The following STOX2 variants were observed in gnomAD, a reference collection of about 807,000 sequenced individuals.
STOX2 encodes the protein storkhead box 2, also known as storkhead-box protein 2.
Under a neutral mutation model 60.9 loss-of-function variants are expected in STOX2, and 28 were observed. The ratio of observed to expected loss-of-function variants is 0.46; its 90% CI spans 0.34 to 0.63. The LOEUF (loss-of-function observed/expected upper bound fraction) is 0.63. Among genes scored for constraint, STOX2 ranks in the 30% least tolerant of loss-of-function variants. The probability of loss-of-function intolerance (pLI) is 0.01; values close to 1 mark genes in which losing one functional copy is unlikely to be tolerated. For synonymous variants in STOX2, 472 were observed against 463.9 expected (o/e 1.02, Z -0.22); for missense variants, 1,024 against 1,187.7 (o/e 0.86, Z 2.03).
chr4:183,920,724 C>A (rs1742076877), intron 1 of STOX2, among the ~76,000 whole-genome samples: 1 of 152,150 alleles, frequency 6.6e-6, no homozygotes, highest in African/African-American at 2.4e-5. Flanking sequence ...TCCTCTTCCT[C>A]TTTTTAGCAC....
At position 184,009,369 on chromosome 4, in the gene STOX2, C is replaced by A; in HGVS notation, c.531C>A (p.Thr177=). 6.2e-7 allele frequency: 1 copy of A among 1,614,010 alleles called. No homozygotes were observed. The highest frequency in any genetic ancestry group is 1.1e-5 in the South Asian group (1 of 91,078). Residue 177 remains threonine (T), a synonymous_variant, in exon 3 of 4, where the codon ACC becomes ACA. Coordinates refer to ENST00000308497, the MANE Select transcript of STOX2 (RefSeq NM_020225.3). The surrounding 1 kb of genome is among the most constrained non-coding windows in gnomAD (Gnocchi z 4.0). ...AGTGCACCTCTCCGCAACCCGGGACCATCACGCCCTCTGCCTCAGGCTGTG... is the reference window on the plus strand; with the variant it reads ...AGTGCACCTCTCCGCAACCCGGGACAATCACGCCCTCTGCCTCAGGCTGTG... The part of the protein sequence containing the change: ...RSQCTSPQPG[T]ITPSASGCVR...
chr4:183,919,758 A>G (rs555289024), intron 1 of STOX2, among the ~76,000 whole-genome samples: 1 of 151,992 alleles, frequency 6.6e-6, no homozygotes, highest in African/African-American at 2.4e-5. Flanking sequence ...GTTGTGTACC[A>G]CCATACCTGG....
At chr4:183,928,214 CCCTCGGGGGGGGG>C (rs1310380169) in intron 1 of STOX2, among the ~76,000 whole-genome samples, 4 of 39,334 alleles carry the variant, frequency 1.0e-4, no homozygotes, top group Admixed American at 9.0e-4. Flanking sequence ...GGATGGGGAG[CCCTCGGGGGGGGG>C]CATTTTGTAT....
chr4:183,991,508 A>G (rs374062585), intron 1 of STOX2, among the ~76,000 whole-genome samples: 22 of 151,590 alleles, frequency 1.5e-4, no homozygotes, highest in African/African-American at 4.4e-4. Context: ...GCTCACTGCA[A>G]CCTCCGCCTC....
intron 1 of STOX2, among the ~76,000 whole-genome samples, chr4:183,818,938 T>G (rs993165438): frequency 6.6e-6 from 1 of 150,786 alleles, no homozygotes; most frequent in Non-Finnish European, 1.5e-5. Flanking sequence ...GGTCCTCACT[T>G]CCCAGACTGG....
At chr4:183,930,501 C>CT (rs57299957) in intron 1 of STOX2, among the ~76,000 whole-genome samples, 34 of 146,240 alleles carry the variant, frequency 2.3e-4, no homozygotes, top group Non-Finnish European at 3.0e-4. Context: ...CACCATGCCC[C>CT]TTTTTTTTTT....
intron 1 of STOX2, among the ~76,000 whole-genome samples, chr4:183,842,556 A>G (rs1739886454): frequency 6.6e-6 from 1 of 152,226 alleles, no homozygotes. Flanking sequence ...GTAATTTTAT[A>G]TATTTAATAA....
intron 1 of STOX2, among the ~76,000 whole-genome samples, chr4:183,882,255 T>C (rs181326268): frequency 3.9e-5 from 6 of 152,344 alleles, no homozygotes; most frequent in Admixed American, 2.6e-4. Flanking sequence ...AGTTAGACCC[T>C]TCCCTGTTTT....
chr4:183,835,965 T>C lies in STOX2; in HGVS notation c.364+37910T>C, dbSNP rs1453759765. 2.0e-5 allele frequency among the ~76,000 whole-genome samples: 3 copies of C among 152,206 alleles called. No homozygotes were observed. In the East Asian group the frequency reaches 5.8e-4, roughly 29 times the overall value. ...AGGCTGTTCTCACATGGCTGTACCATTTTACAATCTCACCAGCATTGTGTA... is the reference window on the plus strand; with the variant it reads ...AGGCTGTTCTCACATGGCTGTACCACTTTACAATCTCACCAGCATTGTGTA... On this transcript the variant is annotated intron_variant, in intron 1 of 2. Transcript: ENST00000513034.
chr4:183,917,923 A>T (rs987788818), intron 1 of STOX2, among the ~76,000 whole-genome samples: 1 of 152,264 alleles, frequency 6.6e-6, no homozygotes, highest in Non-Finnish European at 1.5e-5. Context: ...ATGAGGATAA[A>T]ATAGTATCTA....
At chr4:183,917,206 C>T (rs1250319268) in intron 1 of STOX2, among the ~76,000 whole-genome samples, 4 of 152,218 alleles carry the variant, frequency 2.6e-5, no homozygotes, top group Non-Finnish European at 5.9e-5. Flanking sequence ...CTTTCTCTAA[C>T]CATATGCGTG....
rs1560944865 is a variant in STOX2 at position 184,011,555 on chromosome 4, T to C, written c.2585+132T>C. 9 of 1,557,014 alleles carry C rather than the reference T, an allele frequency of 5.8e-6. No homozygotes were observed. The highest frequency in any genetic ancestry group is 1.4e-5 in the African/African-American group (1 of 73,406). ...GGGTTAAGAGTTGTATGAGTTGTAT[T>C]GTTAACAATCTGTTTCTGACTTCTT... On this transcript the variant is annotated intron_variant, in intron 3 of 3. Coordinates refer to ENST00000308497, the MANE Select transcript of STOX2 (RefSeq NM_020225.3). This position sits in a 1 kb window ranked among gnomAD's most constrained non-coding sequence, Gnocchi z 4.4.
At chr4:183,862,869 C>T (rs373026097) in intron 1 of STOX2, among the ~76,000 whole-genome samples, 7 of 152,204 alleles carry the variant, frequency 4.6e-5, no homozygotes, top group African/African-American at 1.2e-4. Flanking sequence ...CTCCCTGGAC[C>T]GTCACTACCA....
chr4:183,902,608 A>C (rs554535465), upstream of STOX2, among the ~76,000 whole-genome samples: 1 of 152,330 alleles, frequency 6.6e-6, no homozygotes, highest in South Asian at 2.1e-4. Flanking sequence ...GTATATGACC[A>C]GAGTGACTCT....
At chr4:183,962,113 A>G (rs1014151643) in intron 1 of STOX2, among the ~76,000 whole-genome samples, 1 of 152,244 alleles carries the variant, frequency 6.6e-6, no homozygotes, top group Non-Finnish European at 1.5e-5. Flanking sequence ...AATTTCAAAC[A>G]TGCTTTTCTA....
chr4:183,957,965 G>T (rs113504984), intron 1 of STOX2, among the ~76,000 whole-genome samples: 1 of 124,214 alleles, frequency 8.1e-6, no homozygotes, highest in East Asian at 2.4e-4. Flanking sequence ...TATCGTGAAT[G>T]AGGCACCCTG....
In STOX2 at chr4:184,011,708, G is replaced by C. The variant is rs1734181673; in HGVS notation, c.2585+285G>C. On this transcript the variant is annotated intron_variant, in intron 3 of 3. Transcript: ENST00000308497. This position sits in a 1 kb window ranked among gnomAD's most constrained non-coding sequence, Gnocchi z 4.4. ...AACCAATATTTCCAGTATTTTTTCT[G>C]CTACGTTCATATTGCCACCCATGCT... 7.6e-6 allele frequency: 9 copies of C among 1,186,086 alleles called. No homozygotes were observed. In the Middle Eastern group the frequency reaches 6.4e-4, roughly 84 times the overall value. 73.5% of individuals were successfully genotyped at this position (1,186,086 alleles called of 1,614,324 possible).
intron 1 of STOX2, among the ~76,000 whole-genome samples, chr4:183,879,353 C>T (rs184015665): frequency 1.3e-5 from 2 of 152,302 alleles, no homozygotes; most frequent in African/African-American, 2.4e-5. Context: ...AGTGTCCTCA[C>T]GGAGCAAAAA....
intron 1 of STOX2, among the ~76,000 whole-genome samples, chr4:183,942,162 T>C (rs989873539): frequency 1.3e-5 from 2 of 152,188 alleles, no homozygotes; most frequent in African/African-American, 4.8e-5. Context: ...AGCCAACAGT[T>C]AAATAAACTT....
Sources: gnomAD v4.1 joint callset for allele counts (sites outside exome capture counted in the v4.1 genomes callset) on GRCh38, gnomAD v4.1.1 for gene constraint, Gnocchi (gnomAD v3.1) non-coding constraint, MANE v1.5 for transcripts, NCBI Gene and HGNC (gene_info 2026-07-23, HGNC 2026-07-21) for gene names.